Variants in FIG4 observed in about 807,000 individuals in gnomAD.
The protein encoded by FIG4 is polyphosphoinositide phosphatase.
Under a neutral mutation model 118.6 loss-of-function variants are expected in FIG4, and 112 were observed. The ratio of observed to expected loss-of-function variants is 0.94; its 90% confidence interval spans 0.81 to 1.11. FIG4 has a LOEUF of 1.11. Among genes scored for constraint, FIG4 ranks in the 50% least tolerant of loss-of-function variants. FIG4 has a pLI of 0.00. For synonymous variants in FIG4, 369 were observed against 381.2 expected, an observed-to-expected ratio of 0.97 and a Z score of 0.37; for missense variants, 969 against 1,111.7, an observed-to-expected ratio of 0.87 and a Z score of 1.83.
At chr6:109,724,290 T>TA (rs1775716459) in intron 3 of FIG4, among the ~76,000 whole-genome samples, 1 of 152,182 alleles carries the variant, frequency 6.6e-6, no homozygotes, top group South Asian at 2.1e-4. Context: ...GGGATTCCAT[T>TA]AACTAATATT....
At chr6:109,814,600 A>C (rs1778809218) in intron 22 of FIG4, among the ~76,000 whole-genome samples, 2 of 151,974 alleles carry the variant, frequency 1.3e-5, no homozygotes, top group Non-Finnish European at 1.5e-5. Flanking sequence ...TGTTTTTCTT[A>C]CTATGAGATC....
chr6:109,768,811 A>C (rs189448743), intron 15 of FIG4, among the ~76,000 whole-genome samples: 1 of 152,238 alleles, frequency 6.6e-6, no homozygotes, highest in East Asian at 1.9e-4. Context: ...ATCCACATCC[A>C]TTTCCTAGGG....
intron 3 of FIG4, among the ~76,000 whole-genome samples, chr6:109,719,615 A>G (rs1775545802): frequency 6.6e-6 from 1 of 152,052 alleles, no homozygotes. Flanking sequence ...GCTGGCCTCA[A>G]ACTGCTGAGC....
chr6:109,694,415 T>C (rs985018492), intron 1 of FIG4, among the ~76,000 whole-genome samples: 1 of 152,200 alleles, frequency 6.6e-6, no homozygotes, highest in African/African-American at 2.4e-5. Flanking sequence ...CCCTTCTCTC[T>C]TGCCATATCC....
Position 109,738,446 on chromosome 6 carries a change from G to A in FIG4, c.768G>A (p.Gly256=). ...WLLYIIHGFC[G]QSKLLIYGRP... ...TGTATATTATTCATGGGTTCTGTGG[G>A]CAGTCAAGTATCCTTTCTGAAGAAA... is the stretch of plus-strand genomic sequence containing the variant. The change falls in exon 7 of 23, where the codon GGG becomes GGA. Residue 256 remains glycine (G), a synonymous_variant. Transcript: ENST00000230124. The A allele has an allele frequency of 6.2e-7, 1 of 1,612,486 alleles. No individual in the cohort carries two copies. The highest frequency in any genetic ancestry group is 8.5e-7 in the Non-Finnish European group (1 of 1,178,882).
rs143630242 is a variant in FIG4 at position 109,806,482 on chromosome 6, AGT to A, written c.2546+9645_2546+9646del. On this transcript the variant is annotated intron_variant, in intron 22 of 22. Coordinates refer to ENST00000230124, the MANE Select transcript of FIG4 (RefSeq NM_014845.6). ...ATGTGCACACATGTGTGCACACACG[AGT>A]GTGTGTGTGTGTGCATGTGCTTGTG... 1.3e-4 allele frequency among the ~76,000 whole-genome samples: 19 copies of A among 150,594 alleles called. No homozygotes were observed. The East Asian group carries it at 2.2e-3, about 17-fold the overall frequency.
chr6:109,815,644 C>T (rs933909930), intron 22 of FIG4, among the ~76,000 whole-genome samples: 4 of 151,798 alleles, frequency 2.6e-5, no homozygotes, highest in Admixed American at 1.3e-4. Flanking sequence ...GGGAAGAGCA[C>T]GGCTTTATGA....
At chr6:109,741,932 G>T (rs376023770) in intron 8 of FIG4, among the ~76,000 whole-genome samples, 62 of 152,134 alleles carry the variant, frequency 4.1e-4, no homozygotes, top group African/African-American at 3.9e-4. Flanking sequence ...TGCAACCATC[G>T]TAGGCCTAAC....
At chr6:109,732,124 T>C (rs1776019649) in intron 4 of FIG4, among the ~76,000 whole-genome samples, 1 of 152,212 alleles carries the variant, frequency 6.6e-6, no homozygotes, top group African/African-American at 2.4e-5. Flanking sequence ...TTTTAAATTG[T>C]TCGTTATTTA....
chr6:109,804,354 G>A (rs1182616839), intron 22 of FIG4, among the ~76,000 whole-genome samples: 1 of 152,138 alleles, frequency 6.6e-6, no homozygotes, highest in East Asian at 1.9e-4. Flanking sequence ...CTGTGTCACC[G>A]TGGCTTCCTG....
intron 10 of FIG4, 31 bp downstream of exon 10, chr6:109,743,803 A>T: frequency 6.7e-7 from 1 of 1,495,846 alleles, no homozygotes; most frequent in Non-Finnish European, 9.3e-7. Flanking sequence ...TGGTTATGAG[A>T]TTCAGACGCT....
chr6:109,771,367 T>C (rs1034426086), intron 15 of FIG4, among the ~76,000 whole-genome samples: 1 of 151,826 alleles, frequency 6.6e-6, no homozygotes, highest in Admixed American at 6.6e-5. Flanking sequence ...ACTTGTCCTC[T>C]CTCCTTAAAA....
At chr6:109,793,673 CACTG>C (rs1382620468) in intron 21 of FIG4, among the ~76,000 whole-genome samples, 10 of 152,116 alleles carry the variant, frequency 6.6e-5, no homozygotes, top group South Asian at 2.1e-4. Context: ...ATAAAATGAG[CACTG>C]ATCTTCAGTT....
intron 10 of FIG4, among the ~76,000 whole-genome samples, chr6:109,746,936 AG>A (rs887658941): frequency 3.5e-4 from 53 of 151,792 alleles, no homozygotes; most frequent in Admixed American, 6.6e-5. Context: ...ATGAGGGAGT[AG>A]GGGGTGTCAG....
intron 1 of FIG4, among the ~76,000 whole-genome samples, chr6:109,705,236 T>C (rs1165328651): frequency 1.3e-5 from 2 of 152,200 alleles, no homozygotes; most frequent in Non-Finnish European, 1.5e-5. Flanking sequence ...TATACAGTGT[T>C]GATATATTCA....
intron 1 of FIG4, among the ~76,000 whole-genome samples, chr6:109,704,675 C>CAAAAA (rs36013882): frequency 2.5e-4 from 17 of 67,766 alleles, no homozygotes; most frequent in Admixed American, 5.9e-4. Flanking sequence ...GACTCCATCT[C>CAAAAA]AAAAAAAAAA....
In FIG4 at chr6:109,700,395, A is replaced by G. The variant is rs186259421; in HGVS notation, c.66+8894A>G. 4.1e-3 allele frequency among the ~76,000 whole-genome samples: 621 copies of G among 152,362 alleles called. 1 individual carries two copies. The highest frequency in any genetic ancestry group is 5.4e-3 in the Non-Finnish European group (365 of 68,034). On this transcript the variant is annotated intron_variant, in intron 1 of 22. Transcript: ENST00000230124. ...AACACCCAATAAAAAGGACAAGGATATCAACAAGTAGCTCACTAAAAAGAA... is the reference window on the plus strand; with the variant it reads ...AACACCCAATAAAAAGGACAAGGATGTCAACAAGTAGCTCACTAAAAAGAA...
At chr6:109,810,538 T>C (rs769164753) in intron 22 of FIG4, among the ~76,000 whole-genome samples, 6 of 152,190 alleles carry the variant, frequency 3.9e-5, no homozygotes, top group Non-Finnish European at 7.3e-5. Context: ...CTCAGTTGTT[T>C]AAGTCACGTG....
intron 22 of FIG4, among the ~76,000 whole-genome samples, chr6:109,801,319 G>A (rs953946358): frequency 6.6e-6 from 1 of 151,898 alleles, no homozygotes; most frequent in African/African-American, 2.4e-5. Context: ...AGGCTGAGGC[G>A]GGTGGATCAC....
Sources: allele counts gnomAD v4.1 joint callset (sites outside exome capture counted in the v4.1 genomes callset), GRCh38; gene constraint gnomAD v4.1.1; transcripts MANE v1.5; gene names NCBI Gene and HGNC (gene_info 2026-07-23, HGNC 2026-07-21).